The following LGALS12 variants were observed in gnomAD, a reference collection of about 807,000 sequenced individuals.
LGALS12 encodes galectin 12, also known as galectin-12.
A neutral mutation model predicts 36.8 loss-of-function variants in LGALS12; 36 were observed. The ratio of observed to expected loss-of-function variants is 0.98; its 90% CI spans 0.75 to 1.29. LGALS12 has a LOEUF of 1.29. LGALS12 is among the 50% of genes most tolerant of loss of function. LGALS12 has a pLI of 0.00. For synonymous variants in LGALS12, 145 were observed against 155.9 expected, an observed-to-expected ratio of 0.93 and a Z score of 0.52; for missense variants, 366 against 394.3, an observed-to-expected ratio of 0.93 and a Z score of 0.61.
intron 8 of LGALS12, 25 bp from the exon 9 acceptor site, chr11:63,516,222 A>C (rs1480057214): frequency 2.0e-6 from 3 of 1,532,416 alleles, no homozygotes; most frequent in Non-Finnish European, 2.6e-6. Context: ...GGAAGCTGCA[A>C]CCCCCTCATG....
At chr11:63,511,908 A>T (rs1484999767) in intron 7 of LGALS12, 68 bp downstream of exon 7, 12 of 1,004,342 alleles carry the variant, frequency 1.2e-5, no homozygotes, top group Non-Finnish European at 1.8e-5. Context: ...GCTATAAAAC[A>T]TCATCTCTTT....
In LGALS12 at chr11:63,508,621, G is replaced by C. The variant is rs2016815604; in HGVS notation, c.138G>C (p.Val46=). 1 of 1,614,140 alleles carries C rather than the reference G, an allele frequency of 6.2e-7. No individual in the cohort carries two copies. The highest frequency in any genetic ancestry group is 8.5e-7 in the Non-Finnish European group (1 of 1,180,026). The change falls in exon 2 of 9, where the codon GTG becomes GTC. Residue 46 remains valine, a synonymous_variant. Coordinates refer to ENST00000394618, the MANE Select transcript of LGALS12 (RefSeq NM_033101.4). ...HAGKMVMLQG[V]VPLDAHRFQV... ...GCAAGATGGTCATGCTGCAAGGAGT[G>C]GTCCCTCTAGATGCACACAGGTAAG...
chr11:63,510,551 C>T (rs866478454), intron 5 of LGALS12, 50 bp downstream of exon 5: 1 of 1,573,380 alleles, frequency 6.4e-7, no homozygotes, highest in Non-Finnish European at 8.7e-7. Context: ...CTGACCCGCC[C>T]TTCTGGACTG....
intron 7 of LGALS12, among the ~76,000 whole-genome samples, chr11:63,512,519 G>C (rs144853164): frequency 6.6e-6 from 1 of 152,122 alleles, no homozygotes; most frequent in Non-Finnish European, 1.5e-5. Flanking sequence ...GGCCGGGCGC[G>C]GTGGCTCACA....
chr11:63,508,367 G>A lies in LGALS12; in HGVS notation c.70-186G>A, dbSNP rs190288596. The A allele has an allele frequency of 1.2e-4, 166 of 1,433,258 alleles. 1 individual carries two copies. In the African/African-American group the frequency reaches 1.9e-3, roughly 16 times the overall value. The allele number at this position is 1,433,258 out of a possible 1,614,324, so 88.8% of individuals were successfully genotyped here. ...GTGTAATGCAGCTTTGCCGTGTGACGGTCCAGGAAAGGGGATTAGGTGGAA... is the reference window on the plus strand; with the variant it reads ...GTGTAATGCAGCTTTGCCGTGTGACAGTCCAGGAAAGGGGATTAGGTGGAA... On this transcript the variant is annotated intron_variant, in intron 1 of 8. Coordinates refer to ENST00000394618, the MANE Select transcript of LGALS12 (RefSeq NM_033101.4).
At chr11:63,511,885 G>T in intron 7 of LGALS12, 45 bp downstream of exon 7, 1 of 1,206,996 alleles carries the variant, frequency 8.3e-7, no homozygotes, top group South Asian at 1.2e-5. Context: ...CAGCCTCTCT[G>T]TGACAGTCAC....
intron 7 of LGALS12, among the ~76,000 whole-genome samples, chr11:63,512,343 G>A (rs954519324): frequency 1.3e-5 from 2 of 152,216 alleles, no homozygotes; most frequent in African/African-American, 4.8e-5. Context: ...CAGTTAGACA[G>A]GAGCCACTGG....
intron 8 of LGALS12, 38 bp downstream of exon 8, chr11:63,515,751 G>A: frequency 6.2e-7 from 1 of 1,602,022 alleles, no homozygotes; most frequent in Non-Finnish European, 8.5e-7. Flanking sequence ...CTTCAGGCTG[G>A]AGCACAGAGC....
chr11:63,507,711 A>G (rs769273093), intron 1 of LGALS12, among the ~76,000 whole-genome samples: 142 of 144,662 alleles, frequency 9.8e-4, no homozygotes, highest in Non-Finnish European at 1.9e-3. Flanking sequence ...TATTTTAGGA[A>G]GGCCAGGCAA....
intron 7 of LGALS12, among the ~76,000 whole-genome samples, chr11:63,513,882 T>A (rs2016998392): frequency 1.3e-5 from 2 of 152,194 alleles, no homozygotes; most frequent in African/African-American, 2.4e-5. Context: ...ATCTAGTGAT[T>A]CATGATTATC....
intron 1 of LGALS12, among the ~76,000 whole-genome samples, chr11:63,507,774 G>C (rs892424059): frequency 1.3e-5 from 1 of 75,800 alleles, no homozygotes; most frequent in African/African-American, 4.3e-5. Context: ...TTGCTTTTTC[G>C]CCCAGGCTGA....
Position 63,511,110 on chromosome 11 carries a change from G to A in LGALS12, c.558+5G>A. 2 of 1,613,214 alleles carry A rather than the reference G, an allele frequency of 1.2e-6. No individual in the cohort carries two copies. Among genetic ancestry groups the A allele is most frequent in the Non-Finnish European group, 1.7e-6 (2 of 1,179,850 alleles). On this transcript the variant is annotated splice_donor_5th_base_variant and intron_variant, in intron 6 of 8. Coordinates refer to ENST00000394618, the MANE Select transcript of LGALS12 (RefSeq NM_033101.4). ...CTGCTGATGAGCCCCAGGCTGGTGA[G>A]TGAACCTCCCTCCTGCTCTGTCAGG...
chr11:63,515,800 G>A (rs1273049520), intron 8 of LGALS12, 87 bp downstream of exon 8: 1 of 1,436,356 alleles, frequency 7.0e-7, no homozygotes, highest in Non-Finnish European at 9.5e-7. Context: ...TGGGGCAGGT[G>A]TGCAGGACAG....
At chr11:63,510,021 T>C (rs980496566) in intron 4 of LGALS12, 124 bp downstream of exon 4, 1 of 1,183,334 alleles carries the variant, frequency 8.5e-7, no homozygotes, top group African/African-American at 1.5e-5. Flanking sequence ...GCACCAGTAA[T>C]AGCCAAGGGG....
chr11:63,507,782 T>C (rs1332972321), intron 1 of LGALS12, among the ~76,000 whole-genome samples: 1 of 133,136 alleles, frequency 7.5e-6, no homozygotes, highest in Non-Finnish European at 1.6e-5. Flanking sequence ...TCGCCCAGGC[T>C]GAAGTACAGT....
chr11:63,506,541 C>G lies in LGALS12; in HGVS notation c.69+14C>G, dbSNP rs1360424370. Reference sequence around the variant, plus strand: ...GTCTTCCACCCGGTGAGTTGTCACTCTAATGTGGAACCTCCTCGGTCTCTG... The same window carrying G: ...GTCTTCCACCCGGTGAGTTGTCACTGTAATGTGGAACCTCCTCGGTCTCTG... On this transcript the variant is annotated intron_variant, in intron 1 of 8. Coordinates refer to ENST00000394618, the MANE Select transcript of LGALS12 (RefSeq NM_033101.4). The G allele has an allele frequency of 6.2e-7, 1 of 1,614,182 alleles. No individual in the cohort carries two copies. The highest frequency in any genetic ancestry group is 8.5e-7 in the Non-Finnish European group (1 of 1,180,022).
chr11:63,507,725 CTTTTT>C (rs199594642), intron 1 of LGALS12, among the ~76,000 whole-genome samples: 2 of 69,922 alleles, frequency 2.9e-5, no homozygotes, highest in South Asian at 6.3e-4. Flanking sequence ...CAGGCAACTT[CTTTTT>C]TTTTTTTTTT....
In LGALS12 at chr11:63,508,938, C is replaced by T. The variant is rs141304527; in HGVS notation, c.319C>T (p.Arg107Ter). The T allele has an allele frequency of 1.7e-4, 269 of 1,614,074 alleles. No individual in the cohort carries two copies. The highest frequency in any genetic ancestry group is 2.1e-4 in the Non-Finnish European group (249 of 1,180,010). Reference sequence around the variant, plus strand: ...GGCCCGGTGGCCCCACCTGGCCCTGCGAAGAGGCTCCAGCTTCCTCATCCT... The same window carrying T: ...GGCCCGGTGGCCCCACCTGGCCCTGTGAAGAGGCTCCAGCTTCCTCATCCT... Reference protein sequence around the residue: ...REARWPHLALRRGSSFLILFL... With the variant: ...REARWPHLAL The change falls in exon 3 of 9, where the codon CGA (arginine) becomes TGA (stop). Residue 107 changes from arginine to a stop codon, truncating the protein, a stop_gained. Coordinates refer to ENST00000394618, the MANE Select transcript of LGALS12 (RefSeq NM_033101.4). LOFTEE classifies it high-confidence loss of function.
chr11:63,514,522 G>A (rs1396383179), intron 7 of LGALS12, among the ~76,000 whole-genome samples: 2 of 152,172 alleles, frequency 1.3e-5, no homozygotes, highest in Non-Finnish European at 2.9e-5. Flanking sequence ...AGTGAGCCGA[G>A]ATCGTGCCAC....
Sources: allele counts gnomAD v4.1 joint callset (sites outside exome capture counted in the v4.1 genomes callset), GRCh38; gene constraint gnomAD v4.1.1; transcripts MANE v1.5; gene names NCBI Gene and HGNC (gene_info 2026-07-23, HGNC 2026-07-21).